The following CCDC18 variants were observed in gnomAD, a reference collection of about 807,000 sequenced individuals.
CCDC18 encodes coiled-coil domain containing 18.
CCDC18 carries 157 observed loss-of-function variants against 196.0 expected under a neutral mutation model. The ratio of observed to expected loss-of-function variants is 0.80; its 90% CI spans 0.70 to 0.91. The LOEUF is 0.91. CCDC18 is among the 40% of genes least tolerant of loss of function. CCDC18 has a pLI of 0.00. For synonymous variants in CCDC18, 482 were observed against 529.2 expected (o/e 0.91, Z 1.22); for missense variants, 1,465 against 1,611.6 (o/e 0.91, Z 1.56).
At chr1:93,253,146 C>T (rs1662487875) in intron 23 of CCDC18, among the ~76,000 whole-genome samples, 1 of 152,338 alleles carries the variant, frequency 6.6e-6, no homozygotes, top group South Asian at 2.1e-4. Context: ...GAGGGGCACA[C>T]ATAGCCCAGC....
chr1:93,210,520 G>C (rs1457672657), intron 9 of CCDC18, among the ~76,000 whole-genome samples: 3 of 151,974 alleles, frequency 2.0e-5, no homozygotes, highest in East Asian at 3.9e-4. Context: ...ATGTTGCTTA[G>C]TGTTTTTATG....
At chr1:93,192,947 A>G (rs1652078285) in intron 5 of CCDC18, among the ~76,000 whole-genome samples, 1 of 152,158 alleles carries the variant, frequency 6.6e-6, no homozygotes, top group East Asian at 1.9e-4. Context: ...AAGTTCTGCA[A>G]ATGATGCTGC....
At chr1:93,259,992 CT>C (rs1663556219) in intron 26 of CCDC18, among the ~76,000 whole-genome samples, 1 of 152,156 alleles carries the variant, frequency 6.6e-6, no homozygotes, top group African/African-American at 2.4e-5. Flanking sequence ...GTATTGCTAT[CT>C]TTTTAAAAAA....
intron 23 of CCDC18, among the ~76,000 whole-genome samples, chr1:93,248,081 T>C (rs1661739406): frequency 6.7e-6 from 1 of 148,212 alleles, no homozygotes; most frequent in Non-Finnish European, 1.5e-5. Flanking sequence ...AGTGGCTTGA[T>C]CTCAGCTCAC....
chr1:93,219,534 C>T (rs1657070273), intron 14 of CCDC18, among the ~76,000 whole-genome samples: 1 of 152,194 alleles, frequency 6.6e-6, no homozygotes, highest in Non-Finnish European at 1.5e-5. Context: ...AAGATGGCTA[C>T]TAAGTGACTA....
chr1:93,197,713 G>A (rs1384105425), intron 6 of CCDC18, among the ~76,000 whole-genome samples: 1 of 149,656 alleles, frequency 6.7e-6, no homozygotes, highest in African/African-American at 2.5e-5. Context: ...CAAGGATGTG[G>A]AATTGAAACT....
intron 18 of CCDC18, among the ~76,000 whole-genome samples, chr1:93,234,952 T>TGTGTGTGTGTG (rs1659841452): frequency 6.7e-6 from 1 of 149,124 alleles, no homozygotes; most frequent in Non-Finnish European, 1.5e-5. Flanking sequence ...TGTGTGTGTG[T>TGTGTGTGTGTG]GTGTGTGTGT....
Position 93,210,465 on chromosome 1 carries a change from A to G in CCDC18, c.1210-337A>G, listed in dbSNP as rs561378842. ...AAATTCATGTGTATCCTTCTCGTCC[A>G]TGTTTTAAATATTGTCACATATCGA... is the stretch of plus-strand genomic sequence containing the variant. On this transcript the variant is annotated intron_variant, in intron 9 of 28. Transcript: ENST00000690025. 2.0e-5 allele frequency among the ~76,000 whole-genome samples: 3 copies of G among 152,214 alleles called. No homozygotes were observed. In the South Asian group the frequency reaches 6.2e-4, roughly 32 times the overall value.
chr1:93,195,181 T>G (rs17131710), intron 6 of CCDC18, among the ~76,000 whole-genome samples: 13,450 of 152,210 alleles, frequency 0.088, 683 homozygotes, highest in African/African-American at 0.13. Flanking sequence ...AAATATTGAC[T>G]TTGGCTTCAC....
rs557049165 is a variant in CCDC18, at chr1:93,197,340, T to C, written c.698+3596T>C. Among the ~76,000 whole-genome samples, 3 of 152,196 alleles carry C rather than the reference T, an allele frequency of 2.0e-5. No homozygotes were observed. In the East Asian group the frequency reaches 5.8e-4, roughly 29 times the overall value. On this transcript the variant is annotated intron_variant, in intron 6 of 28. Transcript: ENST00000690025. ...TGGGATTGGCAAGGGACTCCCAAATTACAGATTTAGCTATAAATCGGTAAG... is the reference window on the plus strand; with the variant it reads ...TGGGATTGGCAAGGGACTCCCAAATCACAGATTTAGCTATAAATCGGTAAG...
At chr1:93,253,491 GA>G (rs1662539587) in intron 23 of CCDC18, among the ~76,000 whole-genome samples, 1 of 152,200 alleles carries the variant, frequency 6.6e-6, no homozygotes, top group South Asian at 2.1e-4. Context: ...GTCCCCTTGG[GA>G]TCTGCTCTGG....
chr1:93,228,520 A>C (rs942950161), intron 17 of CCDC18, among the ~76,000 whole-genome samples: 2 of 148,268 alleles, frequency 1.3e-5, no homozygotes, highest in African/African-American at 5.3e-5. Flanking sequence ...AAAAAAAAAA[A>C]AAAACTTCAG....
chr1:93,267,930 A>G (rs1055956240), intron 27 of CCDC18, among the ~76,000 whole-genome samples: 4 of 152,202 alleles, frequency 2.6e-5, no homozygotes, highest in African/African-American at 9.7e-5. Flanking sequence ...AAACTGGAAA[A>G]CAACTACCTT....
At chr1:93,255,212 A>G (rs535216746) in intron 24 of CCDC18, among the ~76,000 whole-genome samples, 14 of 152,016 alleles carry the variant, frequency 9.2e-5, no homozygotes, top group African/African-American at 3.4e-4. Context: ...TGGCCTCCCA[A>G]AGTGCTGGGA....
chr1:93,264,722 C>G lies in CCDC18; in HGVS notation c.3706C>G (p.His1236Asp), dbSNP rs1399778780. The change falls in exon 27 of 29, where the codon CAT becomes GAT. Residue 1236 changes from histidine to aspartate, a missense_variant. By Grantham distance (81) the His-to-Asp change is moderately conservative (BLOSUM62 -1). Coordinates refer to ENST00000690025, the MANE Select transcript of CCDC18 (RefSeq NM_001378204.1). Reference sequence around the variant, plus strand: ...ATAGATGATTTCACATCAAGAGAACCATGCAAAGTGGAAGATTTCTGCTGA... The same window carrying G: ...ATAGATGATTTCACATCAAGAGAACGATGCAAAGTGGAAGATTTCTGCTGA... ...HMEMISHQEN[H>D]AKWKISADSQ... 6 of 1,611,258 alleles carry G rather than the reference C, an allele frequency of 3.7e-6. No homozygotes were observed. The South Asian group carries it at 4.4e-5, about 12-fold the overall frequency.
intron 26 of CCDC18, among the ~76,000 whole-genome samples, chr1:93,259,724 C>A (rs974472866): frequency 6.6e-6 from 1 of 152,144 alleles, no homozygotes; most frequent in East Asian, 1.9e-4. Context: ...AATTTGCAAC[C>A]TTTGATCTTT....
At chr1:93,264,648 A>G in intron 26 of CCDC18, 53 bp from the exon 27 acceptor site, 1 of 1,073,926 alleles carries the variant, frequency 9.3e-7, no homozygotes, top group Non-Finnish European at 1.4e-6. Context: ...TGTCGAATCC[A>G]GTTTCCTTCC....
chr1:93,207,293 G>T lies in CCDC18; in HGVS notation c.1104G>T (p.Lys368Asn). Residue 368 changes from lysine to asparagine, a missense_variant, in exon 9 of 29, where the codon AAG (lysine) becomes AAT (asparagine). Lys to Asn is a moderately conservative substitution (Grantham distance 94). Transcript: ENST00000690025. ...TAATGAATGAAAACCGAGAATTAAA[G>T]GTCCGTGTTGCAGCACAGAATGAGC... ...FSLMNENRELKVRVAAQNERL... is the reference protein window; with the variant it reads ...FSLMNENRELNVRVAAQNERL... The T allele has an allele frequency of 6.2e-7, 1 of 1,613,546 alleles. No homozygotes were observed. Among genetic ancestry groups the T allele is most frequent in the South Asian group, 1.1e-5 (1 of 91,042 alleles).
At position 93,256,448 on chromosome 1, in the gene CCDC18, A is replaced by G; in HGVS notation, c.3456A>G (p.Ala1152=). 1 of 1,614,128 alleles carries G rather than the reference A, an allele frequency of 6.2e-7. No individual in the cohort carries two copies. Among genetic ancestry groups the G allele is most frequent in the South Asian group, 1.1e-5 (1 of 91,088 alleles). The part of the protein sequence containing the change: ...EQVQNSHTEL[A]EARHQQVQAQ... The stretch of plus-strand genomic sequence containing the variant: ...TGCAGAACTCTCATACAGAATTGGC[A>G]GAGGCTCGTCATCAGCAAGTCCAAG... The change falls in exon 25 of 29, where the codon GCA becomes GCG. Residue 1152 remains alanine (A), a synonymous_variant. Transcript: ENST00000690025.
Sources: gnomAD v4.1 joint callset for allele counts (sites outside exome capture counted in the v4.1 genomes callset) on GRCh38, gnomAD v4.1.1 for gene constraint, MANE v1.5 for transcripts, NCBI Gene and HGNC (gene_info 2026-07-23, HGNC 2026-07-21) for gene names.